The following RBFOX1 variants were observed in gnomAD, a reference collection of about 807,000 sequenced individuals.
The protein encoded by RBFOX1 is RNA binding fox-1 homolog 1.
RBFOX1 carries 8 observed loss-of-function variants against 57.7 expected under a neutral mutation model. The observed-to-expected ratio is 0.14, with a 90% CI of 0.08 to 0.25. The LOEUF (loss-of-function observed/expected upper bound fraction) is 0.25, where lower values mean the gene tolerates loss of function less well. RBFOX1 is among the 10% of genes least tolerant of loss of function. The probability of loss-of-function intolerance (pLI) is 1.00; values close to 1 mark genes in which losing one functional copy is unlikely to be tolerated. For missense variants in RBFOX1, 611 were observed against 548.5 expected, an observed-to-expected ratio of 1.11 and a Z score of -1.14; for synonymous variants, 326 against 222.4, an observed-to-expected ratio of 1.47 and a Z score of -4.15.
chr16:7,296,408 C>T (rs1212088425), intron 4 of RBFOX1, among the ~76,000 whole-genome samples: 1 of 151,780 alleles, frequency 6.6e-6, no homozygotes. Context: ...TTCATGCAGT[C>T]TCTTTACCAT....
intron 4 of RBFOX1, among the ~76,000 whole-genome samples, chr16:7,162,166 A>G (rs1244991306): frequency 6.6e-6 from 1 of 152,182 alleles, no homozygotes; most frequent in African/African-American, 2.4e-5. Flanking sequence ...CTTTAGCTGA[A>G]TGTGCCAATA....
intron 1 of RBFOX1, among the ~76,000 whole-genome samples, chr16:6,160,687 A>T (rs922006819): frequency 1.2e-4 from 19 of 152,160 alleles, no homozygotes; most frequent in Non-Finnish European, 1.8e-4. Flanking sequence ...CCTTGCTTGC[A>T]AGGCTCTGCA....
At chr16:5,921,547 A>G (rs573341358) in intron 4 of RBFOX1, among the ~76,000 whole-genome samples, 32 of 152,324 alleles carry the variant, frequency 2.1e-4, no homozygotes, top group African/African-American at 7.5e-4. Context: ...TGATATTGAT[A>G]AGACTATTGA....
chr16:7,455,019 T>G (rs796112826), intron 4 of RBFOX1, among the ~76,000 whole-genome samples: 8 of 152,366 alleles, frequency 5.3e-5, no homozygotes, highest in African/African-American at 1.7e-4. Context: ...ATTTATTGAT[T>G]TGTTCAAACA....
At chr16:6,047,680 C>G (rs181199170) in intron 1 of RBFOX1, among the ~76,000 whole-genome samples, 37 of 152,286 alleles carry the variant, frequency 2.4e-4, no homozygotes, top group African/African-American at 8.7e-4. Context: ...CACCCTGATA[C>G]GGAGCAGGGG....
At chr16:7,076,797 A>G (rs1197525906) in intron 4 of RBFOX1, among the ~76,000 whole-genome samples, 2 of 152,222 alleles carry the variant, frequency 1.3e-5, no homozygotes, top group African/African-American at 4.8e-5. Context: ...CATGGTTTAT[A>G]TGCCCACTCA....
chr16:6,922,104 T>A (rs1011468344), intron 3 of RBFOX1, among the ~76,000 whole-genome samples: 6 of 152,282 alleles, frequency 3.9e-5, no homozygotes, highest in African/African-American at 1.4e-4. Context: ...TCTACAACTT[T>A]CTTCACACAG....
chr16:6,720,206 A>G (rs147759030), intron 3 of RBFOX1, among the ~76,000 whole-genome samples: 14 of 152,280 alleles, frequency 9.2e-5, no homozygotes, highest in Admixed American at 1.3e-4. Flanking sequence ...TGTAGTCCTT[A>G]TCACCTTGGA....
intron 2 of RBFOX1, among the ~76,000 whole-genome samples, chr16:5,577,875 A>C (rs776537342): frequency 6.6e-6 from 1 of 152,258 alleles, no homozygotes; most frequent in Non-Finnish European, 1.5e-5. Flanking sequence ...CCTAATATAA[A>C]GAGCCTCATG....
intron 3 of RBFOX1, among the ~76,000 whole-genome samples, chr16:5,856,545 GTGTGTGTGTGTGTGTGTA>G (rs1158938901): frequency 6.6e-5 from 4 of 60,768 alleles, no homozygotes; most frequent in Non-Finnish European, 1.3e-4. Context: ...GTATGTGTGT[GTGTGTGTGTGTGTGTGTA>G]TGTGTGTGTG....
chr16:7,596,843 A>G (rs1024202082), intron 8 of RBFOX1, among the ~76,000 whole-genome samples: 1 of 152,138 alleles, frequency 6.6e-6, no homozygotes, highest in Non-Finnish European at 1.5e-5. Flanking sequence ...AATTCTTGCG[A>G]TGTAAAAGGC....
intron 3 of RBFOX1, among the ~76,000 whole-genome samples, chr16:5,707,752 T>C (rs572717504): frequency 6.6e-6 from 1 of 152,304 alleles, no homozygotes; most frequent in South Asian, 2.1e-4. Context: ...TTGGGTTCCT[T>C]GGGGATTAGG....
chr16:7,542,373 C>T (rs933027732), intron 5 of RBFOX1, among the ~76,000 whole-genome samples: 1 of 152,104 alleles, frequency 6.6e-6, no homozygotes, highest in Non-Finnish European at 1.5e-5. Flanking sequence ...GACTTTCCAC[C>T]CCACCTCTTC....
chr16:6,897,996 A>G (rs1055234582), intron 3 of RBFOX1, among the ~76,000 whole-genome samples: 1 of 152,134 alleles, frequency 6.6e-6, no homozygotes, highest in Non-Finnish European at 1.5e-5. Context: ...CTGCTAAACT[A>G]CAGGCTCCAC....
chr16:7,563,616 C>T (rs1035886319), intron 5 of RBFOX1, among the ~76,000 whole-genome samples: 4 of 152,076 alleles, frequency 2.6e-5, no homozygotes, highest in Admixed American at 1.3e-4. Flanking sequence ...TACAGGCACA[C>T]ACCACCACAC....
intron 2 of RBFOX1, among the ~76,000 whole-genome samples, chr16:6,645,303 G>A (rs116372930): frequency 0.014 from 2,157 of 152,180 alleles, 42 homozygotes; most frequent in African/African-American, 0.043. Context: ...GGGACTAGTC[G>A]GCTTGAGCAT....
At chr16:7,541,248 G>A (rs1305950339) in intron 5 of RBFOX1, among the ~76,000 whole-genome samples, 3 of 152,212 alleles carry the variant, frequency 2.0e-5, no homozygotes, top group Non-Finnish European at 4.4e-5. Context: ...ATTGCACAAG[G>A]TGCATTCCCT....
chr16:6,957,116 T>TTTATTTATTTATTTA (rs1555677709), intron 3 of RBFOX1, among the ~76,000 whole-genome samples: 187 of 139,252 alleles, frequency 1.3e-3, no homozygotes, highest in African/African-American at 4.0e-3. Context: ...TTATTTTTAT[T>TTTATTTATTTATTTA]TTTATTTATT....
At chr16:6,578,598 C>CGT (rs57470848) in intron 2 of RBFOX1, among the ~76,000 whole-genome samples, 1 of 110,664 alleles carries the variant, frequency 9.0e-6, no homozygotes, top group African/African-American at 2.9e-5. Flanking sequence ...GGTGTGTGTG[C>CGT]GTGTGTGTGT....
Sources: allele counts gnomAD v4.1 joint callset (sites outside exome capture counted in the v4.1 genomes callset), GRCh38; gene constraint gnomAD v4.1.1; transcripts MANE v1.5; gene names NCBI Gene and HGNC (gene_info 2026-07-23, HGNC 2026-07-21).